Variants in COMMD10 observed in about 807,000 individuals in gnomAD.
The protein encoded by COMMD10 is COMM domain containing 10.
Under a neutral mutation model 28.9 loss-of-function variants are expected in COMMD10, and 33 were observed. That is an observed-to-expected ratio of 1.14 (90% confidence interval 0.87 to 1.53). The LOEUF (loss-of-function observed/expected upper bound fraction) is 1.53, where lower values mean the gene tolerates loss of function less well. Among genes scored for constraint, COMMD10 ranks in the 40% most tolerant of loss-of-function variants. The pLI is 0.00. For synonymous variants in COMMD10, 110 were observed against 81.7 expected (o/e 1.35, Z -1.87); for missense variants, 310 against 233.4 (o/e 1.33, Z -2.14).
At chr5:116,118,117 A>T (rs761411262) in intron 4 of COMMD10, among the ~76,000 whole-genome samples, 1 of 152,164 alleles carries the variant, frequency 6.6e-6, no homozygotes, top group Non-Finnish European at 1.5e-5. Flanking sequence ...CTTTACTTCA[A>T]AAGTTCTGCT....
At chr5:116,197,849 A>C (rs7449449) in intron 5 of COMMD10, among the ~76,000 whole-genome samples, 98,325 of 152,050 alleles carry the variant, frequency 0.65, 36,795 homozygotes, top group South Asian at 0.86. Flanking sequence ...GGGAGATTAC[A>C]TGACTTGCCT....
At chr5:116,108,769 G>T (rs1278480227) in intron 4 of COMMD10, among the ~76,000 whole-genome samples, 1 of 152,054 alleles carries the variant, frequency 6.6e-6, no homozygotes, top group African/African-American at 2.4e-5. Context: ...AGCTAGCCTG[G>T]TGTCTGCCCA....
chr5:116,260,553 C>T (rs529751787), intron 5 of COMMD10, among the ~76,000 whole-genome samples: 15 of 151,934 alleles, frequency 9.9e-5, no homozygotes, highest in African/African-American at 3.1e-4. Context: ...AGTAAACCTT[C>T]ATGTACTTTA....
chr5:116,177,478 A>C (rs1689632319), intron 5 of COMMD10, among the ~76,000 whole-genome samples: 1 of 151,850 alleles, frequency 6.6e-6, no homozygotes, highest in Non-Finnish European at 1.5e-5. Context: ...TCATTTTTCT[A>C]AAACAAAGTT....
chr5:116,215,759 CTTTA>C (rs1749083867), intron 5 of COMMD10, among the ~76,000 whole-genome samples: 1 of 141,260 alleles, frequency 7.1e-6, no homozygotes, highest in South Asian at 2.3e-4. Flanking sequence ...AAATATAGTA[CTTTA>C]TTTAAAAATA....
At chr5:116,137,553 G>C (rs1300406770) in intron 5 of COMMD10, among the ~76,000 whole-genome samples, 1 of 151,950 alleles carries the variant, frequency 6.6e-6, no homozygotes, top group East Asian at 1.9e-4. Flanking sequence ...GGGAGGATTA[G>C]AATCACTGTA....
At chr5:116,126,049 C>A (rs1751622923) in intron 4 of COMMD10, among the ~76,000 whole-genome samples, 1 of 152,210 alleles carries the variant, frequency 6.6e-6, no homozygotes, top group African/African-American at 2.4e-5. Flanking sequence ...AGCCCAAAAT[C>A]TCCTTAAGCT....
chr5:116,195,951 T>TGC (rs1748506493), intron 5 of COMMD10, among the ~76,000 whole-genome samples: 4 of 152,164 alleles, frequency 2.6e-5, no homozygotes, highest in Admixed American at 2.6e-4. Context: ...TTGGCATGGA[T>TGC]GCAGTGATCA....
intron 5 of COMMD10, among the ~76,000 whole-genome samples, chr5:116,279,890 A>G (rs1751027381): frequency 6.6e-6 from 1 of 151,952 alleles, no homozygotes; most frequent in Non-Finnish European, 1.5e-5. Flanking sequence ...TTATCAAAAT[A>G]CCCTCAGCAA....
chr5:116,268,321 A>G (rs1750656900), intron 5 of COMMD10, among the ~76,000 whole-genome samples: 1 of 151,900 alleles, frequency 6.6e-6, no homozygotes, highest in Non-Finnish European at 1.5e-5. Flanking sequence ...AAAAGAAGAC[A>G]TTTATGCAGC....
intron 5 of COMMD10, among the ~76,000 whole-genome samples, chr5:116,290,008 C>T (rs1376909813): frequency 6.6e-6 from 1 of 151,850 alleles, no homozygotes; most frequent in Non-Finnish European, 1.5e-5. Flanking sequence ...CACCTTAAAA[C>T]AAAGCAAAGC....
At chr5:116,206,839 G>A (rs1748826373) in intron 5 of COMMD10, among the ~76,000 whole-genome samples, 1 of 152,138 alleles carries the variant, frequency 6.6e-6, no homozygotes, top group Non-Finnish European at 1.5e-5. Context: ...TCCAGCCAGT[G>A]TGGGATATTC....
intron 1 of COMMD10, chr5:116,085,423 C>T: frequency 2.7e-6 from 1 of 368,550 alleles, no homozygotes; most frequent in Admixed American, 4.7e-5. Flanking sequence ...GCCTTCAGTG[C>T]TGCCGAATCA....
At chr5:116,178,349 G>A (rs928932758) in intron 5 of COMMD10, among the ~76,000 whole-genome samples, 2 of 151,972 alleles carry the variant, frequency 1.3e-5, no homozygotes, top group Non-Finnish European at 2.9e-5. Context: ...AAGATTCTGC[G>A]ATTAATTAGT....
chr5:116,106,637 C>G (rs893996586), intron 4 of COMMD10, among the ~76,000 whole-genome samples: 1 of 152,124 alleles, frequency 6.6e-6, no homozygotes, highest in African/African-American at 2.4e-5. Context: ...TTGTAGGTCT[C>G]TAAGAACTTG....
chr5:116,169,512 C>T (rs1418821359), intron 5 of COMMD10, among the ~76,000 whole-genome samples: 1 of 152,128 alleles, frequency 6.6e-6, no homozygotes, highest in Admixed American at 6.5e-5. Context: ...ATCCTGATAC[C>T]AAAACCTGGC....
intron 5 of COMMD10, among the ~76,000 whole-genome samples, chr5:116,250,867 A>T (rs1407877516): frequency 1.3e-5 from 2 of 151,982 alleles, no homozygotes; most frequent in African/African-American, 4.8e-5. Context: ...CAGATTAGAA[A>T]CCAGTCTGAT....
chr5:116,237,018 C>G (rs549473719), intron 5 of COMMD10, among the ~76,000 whole-genome samples: 2 of 152,120 alleles, frequency 1.3e-5, no homozygotes, highest in South Asian at 4.2e-4. Flanking sequence ...TGGGGGTATG[C>G]AAATTGCAAT....
At chr5:116,106,332 A>C (rs1464735447) in intron 4 of COMMD10, among the ~76,000 whole-genome samples, 1 of 152,138 alleles carries the variant, frequency 6.6e-6, no homozygotes, top group Non-Finnish European at 1.5e-5. Context: ...ATTTGATTGC[A>C]GTGTGGTCCG....
Sources: allele counts gnomAD v4.1 joint callset (sites outside exome capture counted in the v4.1 genomes callset), GRCh38; gene constraint gnomAD v4.1.1; transcripts MANE v1.5; gene names NCBI Gene and HGNC (gene_info 2026-07-23, HGNC 2026-07-21).